The following PPP4R4 variants were observed in gnomAD, a reference collection of about 807,000 sequenced individuals.
PPP4R4 encodes the protein protein phosphatase 4 regulatory subunit 4.
In PPP4R4, 70 loss-of-function variants were observed where a neutral mutation model predicts 121.8. The observed-to-expected ratio is 0.57, with a 90% confidence interval of 0.47 to 0.70. The LOEUF (loss-of-function observed/expected upper bound fraction) is 0.70, where lower values mean the gene tolerates loss of function less well. Ranked by LOEUF, PPP4R4 falls within the 30% of genes least tolerant of loss-of-function variation. The pLI is 0.00. For missense variants in PPP4R4, 875 were observed against 1,033.6 expected (o/e 0.85, Z 2.10); for synonymous variants, 348 against 355.7 (o/e 0.98, Z 0.24).
intron 2 of PPP4R4, among the ~76,000 whole-genome samples, chr14:94,201,865 C>T (rs1890199996): frequency 6.6e-6 from 1 of 151,740 alleles, no homozygotes; most frequent in African/African-American, 2.4e-5. Flanking sequence ...GTACAATTTG[C>T]AGTTGCTAAA....
intron 3 of PPP4R4, among the ~76,000 whole-genome samples, chr14:94,223,750 G>A (rs1351687558): frequency 6.6e-6 from 1 of 152,112 alleles, no homozygotes; most frequent in Admixed American, 6.5e-5. Flanking sequence ...TACCTAGTCT[G>A]CCTTTATTGA....
intron 3 of PPP4R4, among the ~76,000 whole-genome samples, chr14:94,210,905 G>A (rs1890708386): frequency 6.6e-6 from 1 of 152,068 alleles, no homozygotes; most frequent in Non-Finnish European, 1.5e-5. Flanking sequence ...TAAATTCATT[G>A]TATTCAGATT....
At chr14:94,180,841 A>G (rs1026978799) in intron 2 of PPP4R4, among the ~76,000 whole-genome samples, 3 of 151,476 alleles carry the variant, frequency 2.0e-5, no homozygotes, top group Admixed American at 6.6e-5. Context: ...TTCTCTTCCT[A>G]TTTTTTAAAG....
chr14:94,218,258 A>G (rs1322642162), intron 3 of PPP4R4, among the ~76,000 whole-genome samples: 1 of 152,126 alleles, frequency 6.6e-6, no homozygotes, highest in Non-Finnish European at 1.5e-5. Context: ...GAATTATTTA[A>G]AGAAATACTA....
chr14:94,231,410 G>A (rs1193562366), intron 5 of PPP4R4, 95 bp downstream of exon 5: 8 of 1,087,252 alleles, frequency 7.4e-6, no homozygotes, highest in African/African-American at 1.6e-5. Flanking sequence ...AAAAAAGAAA[G>A]TTGTTTTTCA....
rs149995350 is a variant in PPP4R4 at position 94,201,957 on chromosome 14, T to C, written c.192-6507T>C. 7.6e-3 allele frequency among the ~76,000 whole-genome samples: 1,147 copies of C among 150,732 alleles called. 15 individuals are homozygous for C. The highest frequency in any genetic ancestry group is 0.025 in the African/African-American group (1,013 of 41,078). On this transcript the variant is annotated intron_variant, in intron 2 of 24. Coordinates refer to ENST00000304338, the MANE Select transcript of PPP4R4 (RefSeq NM_058237.2). ...GTGTATATATATAAATATATATATATACATATATATACACACTCACCATAA... is the reference window on the plus strand; with the variant it reads ...GTGTATATATATAAATATATATATACACATATATATACACACTCACCATAA...
chr14:94,222,226 A>G (rs1039580493), intron 3 of PPP4R4, among the ~76,000 whole-genome samples: 3 of 151,520 alleles, frequency 2.0e-5, no homozygotes, highest in African/African-American at 7.3e-5. Context: ...CTATGTTTCT[A>G]TTTCTCTTAT....
intron 17 of PPP4R4, among the ~76,000 whole-genome samples, chr14:94,257,616 C>T (rs1039606243): frequency 1.4e-4 from 21 of 145,348 alleles, no homozygotes; most frequent in South Asian, 6.7e-4. Flanking sequence ...ACCAGAAATA[C>T]GTAGAGTTGC....
chr14:94,187,557 A>G (rs1889357444), intron 2 of PPP4R4, among the ~76,000 whole-genome samples: 1 of 152,110 alleles, frequency 6.6e-6, no homozygotes, highest in Non-Finnish European at 1.5e-5. Flanking sequence ...ATCTTTCAAA[A>G]ATTCAGAAAT....
intron 9 of PPP4R4, among the ~76,000 whole-genome samples, 188 bp downstream of exon 9, chr14:94,240,983 G>A (rs1892602927): frequency 6.6e-6 from 1 of 152,050 alleles, no homozygotes; most frequent in African/African-American, 2.4e-5. Flanking sequence ...TTCACCAATA[G>A]AACCTATTTG....
At chr14:94,230,286 T>A (rs544556954) in intron 3 of PPP4R4, among the ~76,000 whole-genome samples, 187 of 152,342 alleles carry the variant, frequency 1.2e-3, no homozygotes, top group African/African-American at 4.3e-3. Context: ...TTAAAACCTC[T>A]CTAAAGTTTC....
intron 3 of PPP4R4, among the ~76,000 whole-genome samples, chr14:94,213,019 A>G (rs1890825662): frequency 6.6e-6 from 1 of 152,202 alleles, no homozygotes; most frequent in African/African-American, 2.4e-5. Flanking sequence ...AATGTAGCCA[A>G]TATTTATTGA....
chr14:94,246,630 AACTC>A (rs1892909537), intron 14 of PPP4R4, 91 bp downstream of exon 14: 2 of 1,347,706 alleles, frequency 1.5e-6, no homozygotes, highest in African/African-American at 2.9e-5. Context: ...TAGTAGAACA[AACTC>A]AGTTCATTCC....
intron 6 of PPP4R4, 95 bp downstream of exon 6, chr14:94,233,854 C>T: frequency 1.2e-6 from 1 of 812,648 alleles, no homozygotes; most frequent in Non-Finnish European, 2.0e-6. Flanking sequence ...TTTCATACTG[C>T]ATACAAATTT....
Position 94,205,186 on chromosome 14 carries a change from T to C in PPP4R4, c.192-3278T>C, listed in dbSNP as rs866662258. ...ATTGAAACCATCTGGGCCTGGACAATTTTTTAAGACTTTGAAAATATTAAT... is the reference window on the plus strand; with the variant it reads ...ATTGAAACCATCTGGGCCTGGACAACTTTTTAAGACTTTGAAAATATTAAT... On this transcript the variant is annotated intron_variant, in intron 2 of 24. Transcript: ENST00000304338. 1.2e-3 allele frequency among the ~76,000 whole-genome samples: 180 copies of C among 152,252 alleles called. 1 individual carries two copies. The highest frequency in any genetic ancestry group is 4.2e-3 in the African/African-American group (175 of 41,568).
intron 1 of PPP4R4, 105 bp downstream of exon 1, chr14:94,174,687 C>G: frequency 1.4e-6 from 2 of 1,477,294 alleles, no homozygotes; most frequent in Non-Finnish European, 1.8e-6. Context: ...TCCTCCGGGC[C>G]GCCGGGACCC....
intron 23 of PPP4R4, among the ~76,000 whole-genome samples, chr14:94,274,782 C>G (rs571493226): frequency 6.6e-6 from 1 of 152,168 alleles, no homozygotes; most frequent in Non-Finnish European, 1.5e-5. Flanking sequence ...ACTTCCACTC[C>G]TTGGCATTTA....
At chr14:94,227,454 A>C in intron 3 of PPP4R4, 16 of 1,524,588 alleles carry the variant, frequency 1.0e-5, no homozygotes, top group Non-Finnish European at 1.4e-5. Context: ...AGCAGTGATG[A>C]AATCTCTTAG....
At position 94,185,344 on chromosome 14, in the gene PPP4R4, A is replaced by G. The variant is rs1448513250; in HGVS notation, c.191+9217A>G. On this transcript the variant is annotated intron_variant, in intron 2 of 24. Coordinates refer to ENST00000304338, the MANE Select transcript of PPP4R4 (RefSeq NM_058237.2). Reference sequence around the variant, plus strand: ...AATATAGCGAGACCCTGTCTCTACAAAAAAATTTAAGAAATTATCCAGGAA... The same window carrying G: ...AATATAGCGAGACCCTGTCTCTACAGAAAAATTTAAGAAATTATCCAGGAA... Among the ~76,000 whole-genome samples the G allele has an allele frequency of 2.6e-5, 4 of 152,108 alleles. No individual in the cohort carries two copies. In the East Asian group the frequency reaches 7.7e-4, roughly 29 times the overall value.
Sources: allele counts gnomAD v4.1 joint callset (sites outside exome capture counted in the v4.1 genomes callset), GRCh38; gene constraint gnomAD v4.1.1; transcripts MANE v1.5; gene names NCBI Gene and HGNC (gene_info 2026-07-23, HGNC 2026-07-21).